Variants in UGT1A5 observed in about 807,000 individuals in gnomAD.
The protein encoded by UGT1A5 is UDP glucuronosyltransferase family 1 member A5.
UGT1A5 carries 29 observed loss-of-function variants against 40.3 expected under a neutral mutation model. The ratio of observed to expected loss-of-function variants is 0.72; its 90% CI spans 0.54 to 0.98. The LOEUF (loss-of-function observed/expected upper bound fraction) is 0.98, where lower values mean the gene tolerates loss of function less well. Among genes scored for constraint, UGT1A5 ranks in the 50% least tolerant of loss-of-function variants. The pLI is 0.00. For synonymous variants in UGT1A5, 257 were observed against 262.5 expected (o/e 0.98, Z 0.20); for missense variants, 678 against 677.9 (o/e 1.00, Z 0.00).
intron 1 of UGT1A5, chr2:233,729,923 C>T (rs760546149): frequency 3.7e-6 from 6 of 1,614,016 alleles, no homozygotes; most frequent in Non-Finnish European, 5.1e-6. Flanking sequence ...ATGGACTACC[C>T]CAGGCCAATC....
chr2:233,746,409 A>G (rs1367378593), intron 1 of UGT1A5, among the ~76,000 whole-genome samples: 2 of 151,722 alleles, frequency 1.3e-5, no homozygotes, highest in Non-Finnish European at 2.9e-5. Flanking sequence ...AGTGTGTCCA[A>G]TGGTGACCTA....
At chr2:233,743,265 C>T (rs1186542660) in intron 1 of UGT1A5, 3 of 455,180 alleles carry the variant, frequency 6.6e-6, no homozygotes, top group Admixed American at 3.0e-5. Flanking sequence ...CATCTTCCTC[C>T]ACTTCCACCC....
chr2:233,768,423 G>A lies in UGT1A5; in HGVS notation c.1291G>A (p.Val431Ile). The A allele has an allele frequency of 6.2e-7, 1 of 1,614,098 alleles. No homozygotes were observed. The highest frequency in any genetic ancestry group is 8.5e-7 in the Non-Finnish European group (1 of 1,180,004). The change falls in exon 4 of 5, where the codon GTC (valine) becomes ATC (isoleucine). Residue 431 changes from valine to isoleucine, a missense_variant. Coordinates refer to ENST00000373414, the MANE Select transcript of UGT1A5 (RefSeq NM_019078.2). ...AGATTTAGAAAATGCTCTAAAAGCA[G>A]TCATCAATGACAAAAGGTAAGAAAG... ...SEDLENALKAVINDKSYKENI... is the reference protein window; with the variant it reads ...SEDLENALKAIINDKSYKENI...
At chr2:233,746,507 C>T (rs1477077635) in intron 1 of UGT1A5, among the ~76,000 whole-genome samples, 1 of 151,718 alleles carries the variant, frequency 6.6e-6, no homozygotes, top group Non-Finnish European at 1.5e-5. Context: ...TTAGTAGCCC[C>T]CAAAGCAAGA....
chr2:233,758,527 A>G (rs1696905658), intron 1 of UGT1A5, among the ~76,000 whole-genome samples: 1 of 152,232 alleles, frequency 6.6e-6, no homozygotes, highest in East Asian at 1.9e-4. Context: ...GAGTGAAAGC[A>G]TTGCTATGTC....
chr2:233,725,771 TTTG>T (rs1358189375), intron 1 of UGT1A5, among the ~76,000 whole-genome samples: 1 of 152,264 alleles, frequency 6.6e-6, no homozygotes, highest in Admixed American at 6.5e-5. Flanking sequence ...CTTCACATAG[TTTG>T]TTGTTATCAT....
At chr2:233,740,578 C>T (rs1384729734) in intron 1 of UGT1A5, 2 of 151,846 alleles carry the variant, frequency 1.3e-5, no homozygotes, top group South Asian at 4.1e-4. Flanking sequence ...TTTTTTGGGA[C>T]CCTAATGAAA....
intron 1 of UGT1A5, among the ~76,000 whole-genome samples, chr2:233,738,514 T>A (rs1690809776): frequency 6.6e-6 from 1 of 152,156 alleles, no homozygotes; most frequent in Admixed American, 6.5e-5. Context: ...ATGCTGATAA[T>A]GTTGTGGACA....
intron 1 of UGT1A5, among the ~76,000 whole-genome samples, chr2:233,723,397 A>G (rs1363252686): frequency 3.9e-5 from 5 of 128,818 alleles, no homozygotes; most frequent in Non-Finnish European, 7.9e-5. Context: ...TTTAGTAGAG[A>G]TGGGGTTTCA....
Position 233,765,767 on chromosome 2 carries a change from G to A in UGT1A5, c.868-1267G>A, listed in dbSNP as rs142459833. Among the ~76,000 whole-genome samples, 585 of 151,822 alleles carry A rather than the reference G, an allele frequency of 3.9e-3. 2 individuals are homozygous for A. The highest frequency in any genetic ancestry group is 0.014 in the African/African-American group (559 of 41,374). On this transcript the variant is annotated intron_variant, in intron 1 of 4. Coordinates refer to ENST00000373414, the MANE Select transcript of UGT1A5 (RefSeq NM_019078.2). ...TAAAGCCATTTGAGAGATTCTTGGG[G>A]GATTCATTGGACCACTGAAAATCTA...
intron 1 of UGT1A5, among the ~76,000 whole-genome samples, chr2:233,744,652 A>G (rs754395729): frequency 1.6e-4 from 24 of 151,892 alleles, no homozygotes; most frequent in Non-Finnish European, 2.8e-4. Flanking sequence ...TCTGTATTCA[A>G]TCTACTGTGA....
At chr2:233,752,054 T>C (rs778755699) in intron 1 of UGT1A5, among the ~76,000 whole-genome samples, 4 of 152,312 alleles carry the variant, frequency 2.6e-5, no homozygotes, top group South Asian at 4.2e-4. Flanking sequence ...GTGTGAATGA[T>C]TTCCCGAGAT....
chr2:233,724,460 G>T (rs551187141), intron 1 of UGT1A5, among the ~76,000 whole-genome samples: 1 of 114,598 alleles, frequency 8.7e-6, no homozygotes, highest in Non-Finnish European at 1.8e-5. Flanking sequence ...GCTGCCGGGC[G>T]GAGGGGCTCC....
intron 1 of UGT1A5, among the ~76,000 whole-genome samples, chr2:233,753,929 G>A (rs147100101): frequency 1.3e-5 from 2 of 152,234 alleles, no homozygotes; most frequent in African/African-American, 4.8e-5. Context: ...CAGTGATATG[G>A]GATTCAAATG....
intron 1 of UGT1A5, among the ~76,000 whole-genome samples, chr2:233,737,698 T>C (rs1168746375): frequency 6.6e-6 from 1 of 152,140 alleles, no homozygotes; most frequent in Non-Finnish European, 1.5e-5. Flanking sequence ...TGCTGAAGCT[T>C]CCGTTCTCCT....
intron 1 of UGT1A5, among the ~76,000 whole-genome samples, chr2:233,752,099 T>C (rs947761592): frequency 1.3e-5 from 2 of 152,204 alleles, no homozygotes; most frequent in Admixed American, 1.3e-4. Context: ...AGACAGAAAG[T>C]AGAATCAGAG....
intron 1 of UGT1A5, chr2:233,729,698 C>T: frequency 6.2e-7 from 1 of 1,613,936 alleles, no homozygotes; most frequent in Non-Finnish European, 8.5e-7. Flanking sequence ...CCAAACCCTT[C>T]CTCCTATATT....
At position 233,743,743 on chromosome 2, in the gene UGT1A5, G is replaced by A. The variant is rs745945267; in HGVS notation, c.868-23291G>A. On this transcript the variant is annotated intron_variant, in intron 1 of 4. Coordinates refer to ENST00000373414, the MANE Select transcript of UGT1A5 (RefSeq NM_019078.2). ...GGTCATAGATATCGCGTTTCTTGGC[G>A]TCCGACAACACCTCGTAGGCCTCGG... 19 of 1,367,226 alleles carry A rather than the reference G, an allele frequency of 1.4e-5. No individual in the cohort carries two copies. The Admixed American group carries it at 1.9e-4, about 14-fold the overall frequency. The allele number at this position is 1,367,226 out of a possible 1,614,324, so 84.7% of individuals were successfully genotyped here.
At chr2:233,717,883 G>T (rs778761780) in intron 1 of UGT1A5, 1 of 454,838 alleles carries the variant, frequency 2.2e-6, no homozygotes, top group East Asian at 6.9e-5. Context: ...GAAAAGCCTG[G>T]CCATAATCTT....
Sources: gnomAD v4.1 joint callset for allele counts (sites outside exome capture counted in the v4.1 genomes callset) on GRCh38, gnomAD v4.1.1 for gene constraint, MANE v1.5 for transcripts, NCBI Gene and HGNC (gene_info 2026-07-23, HGNC 2026-07-21) for gene names.